The following EFL1 variants were observed in gnomAD, a reference collection of about 807,000 sequenced individuals.
The protein encoded by EFL1 is elongation factor-like GTPase 1.
Under a neutral mutation model 126.7 loss-of-function variants are expected in EFL1, and 76 were observed. That is an observed-to-expected ratio of 0.60 (90% CI 0.50 to 0.73). EFL1 has a LOEUF of 0.73. Ranked by LOEUF, EFL1 falls within the 30% of genes least tolerant of loss-of-function variation. The pLI is 0.00. For synonymous variants in EFL1, 410 were observed against 448.4 expected (o/e 0.91, Z 1.08); for missense variants, 1,128 against 1,343.2 (o/e 0.84, Z 2.50).
At chr15:82,137,860 C>T (rs114319868) in intron 19 of EFL1, among the ~76,000 whole-genome samples, 48 of 152,326 alleles carry the variant, frequency 3.2e-4, no homozygotes, top group African/African-American at 1.1e-3. Flanking sequence ...CATGCGGCAC[C>T]TTCTGATTGA....
At chr15:82,160,196 A>G (rs1195869524) in intron 16 of EFL1, 3 of 152,250 alleles carry the variant, frequency 2.0e-5, no homozygotes, top group African/African-American at 4.8e-5. Context: ...GCTGCAGCCA[A>G]TCACCATGCA....
rs142283291 is a variant in EFL1, at chr15:82,163,512, C to T, written c.1882+341G>A. 3.0e-3 allele frequency among the ~76,000 whole-genome samples: 461 copies of T among 152,138 alleles called. 2 individuals carry two copies. Among genetic ancestry groups the T allele is most frequent in the African/African-American group, 0.01 (431 of 41,516 alleles). On this transcript the variant is annotated intron_variant, in intron 16 of 19. Transcript: ENST00000268206. Reference sequence around the variant, plus strand: ...GATCACACCAGTGTACTCTAGCCTGCGCAACAGAGTGAGACTCCGCCTCAA... The same window carrying T: ...GATCACACCAGTGTACTCTAGCCTGTGCAACAGAGTGAGACTCCGCCTCAA...
At chr15:82,195,045 T>C (rs1343882466) in intron 15 of EFL1, among the ~76,000 whole-genome samples, 3 of 152,256 alleles carry the variant, frequency 2.0e-5, no homozygotes, top group Admixed American at 1.3e-4. Flanking sequence ...ATTATTGTTA[T>C]AATTTTACTA....
chr15:82,161,607 T>C (rs909994801), intron 16 of EFL1, among the ~76,000 whole-genome samples: 9 of 152,076 alleles, frequency 5.9e-5, no homozygotes, highest in South Asian at 2.1e-4. Flanking sequence ...GGGAAGAAAA[T>C]AGCAATACTC....
intron 7 of EFL1, among the ~76,000 whole-genome samples, chr15:82,234,042 ATC>A (rs2074848615): frequency 6.6e-6 from 1 of 152,348 alleles, no homozygotes; most frequent in African/African-American, 2.4e-5. Context: ...GGCTGATAGT[ATC>A]TAAAAATGTC....
chr15:82,262,552 C>T (rs1156896436), intron 1 of EFL1, 62 bp downstream of exon 1: 1 of 248,014 alleles, frequency 4.0e-6, no homozygotes, highest in Non-Finnish European at 7.7e-6. Context: ...GAGCGGGTTC[C>T]TCCGGCACCG....
intron 2 of EFL1, among the ~76,000 whole-genome samples, chr15:82,259,455 A>G (rs946389398): frequency 3.3e-5 from 5 of 152,184 alleles, no homozygotes; most frequent in Non-Finnish European, 7.3e-5. Context: ...TTCCCCATGC[A>G]TGGCCTCAGC....
chr15:82,137,051 C>G (rs144688013), intron 19 of EFL1, among the ~76,000 whole-genome samples: 1 of 151,110 alleles, frequency 6.6e-6, no homozygotes, highest in Non-Finnish European at 1.5e-5. Context: ...AAAGCAGACA[C>G]AATGGTGTGC....
At chr15:82,174,658 T>C (rs1373092181) in intron 15 of EFL1, among the ~76,000 whole-genome samples, 1 of 152,160 alleles carries the variant, frequency 6.6e-6, no homozygotes, top group Non-Finnish European at 1.5e-5. Context: ...CTGGAATGTT[T>C]CTTGAGGTTA....
chr15:82,228,771 G>T (rs561825581), intron 9 of EFL1, among the ~76,000 whole-genome samples: 14 of 152,228 alleles, frequency 9.2e-5, no homozygotes, highest in African/African-American at 3.4e-4. Context: ...CATAAACAAA[G>T]ACCCAATGTT....
At chr15:82,132,611 G>A (rs1464723252) in intron 19 of EFL1, among the ~76,000 whole-genome samples, 2 of 147,018 alleles carry the variant, frequency 1.4e-5, no homozygotes, top group Admixed American at 1.4e-4. Flanking sequence ...AGTCTAAGGA[G>A]CGTCTCGAAG....
At chr15:82,228,975 G>T in intron 9 of EFL1, 59 bp downstream of exon 9, 2 of 1,408,986 alleles carry the variant, frequency 1.4e-6, no homozygotes, top group Middle Eastern at 1.8e-4. Context: ...CATCAAACTG[G>T]AAAGTGAGAC....
intron 11 of EFL1, among the ~76,000 whole-genome samples, chr15:82,226,568 C>G (rs577203547): frequency 6.6e-6 from 1 of 152,064 alleles, no homozygotes; most frequent in Non-Finnish European, 1.5e-5. Context: ...GGTGAGCAGG[C>G]TTGGGGATAA....
chr15:82,196,006 A>C (rs2074404326), intron 15 of EFL1, among the ~76,000 whole-genome samples: 1 of 152,204 alleles, frequency 6.6e-6, no homozygotes, highest in African/African-American at 2.4e-5. Context: ...AGAGGCGGTG[A>C]CATTTAGCTG....
At chr15:82,254,812 G>A (rs1234474714) in intron 3 of EFL1, among the ~76,000 whole-genome samples, 7 of 152,178 alleles carry the variant, frequency 4.6e-5, no homozygotes, top group Non-Finnish European at 5.9e-5. Context: ...AAATCATTCT[G>A]GAGAAAGGAG....
chr15:82,145,909 A>C (rs2073840624), intron 18 of EFL1, among the ~76,000 whole-genome samples: 1 of 151,906 alleles, frequency 6.6e-6, no homozygotes, highest in Non-Finnish European at 1.5e-5. Flanking sequence ...AAATATTTTT[A>C]AAATGTGGTT....
At chr15:82,189,942 C>T (rs139647199) in intron 15 of EFL1, among the ~76,000 whole-genome samples, 1 of 151,878 alleles carries the variant, frequency 6.6e-6, no homozygotes, top group East Asian at 1.9e-4. Context: ...ATGGTGAAAC[C>T]CCGTCTCTAC....
At chr15:82,262,589 GC>G (rs2075138582) in intron 1 of EFL1, 24 bp downstream of exon 1, 1 of 348,616 alleles carries the variant, frequency 2.9e-6, no homozygotes, top group Non-Finnish European at 5.2e-6. Context: ...GGAGGTTCCA[GC>G]CCCCAGCGCC....
intron 18 of EFL1, among the ~76,000 whole-genome samples, chr15:82,140,384 T>A (rs2073773320): frequency 6.6e-6 from 1 of 152,204 alleles, no homozygotes; most frequent in African/African-American, 2.4e-5. Context: ...TTGAAGCTAC[T>A]GATTAATGTC....
Sources: gnomAD v4.1 joint callset for allele counts (sites outside exome capture counted in the v4.1 genomes callset) on GRCh38, gnomAD v4.1.1 for gene constraint, MANE v1.5 for transcripts, NCBI Gene and HGNC (gene_info 2026-07-23, HGNC 2026-07-21) for gene names.